ERN1: variants seen among roughly 807,000 people sequenced by gnomAD.
ERN1 encodes the protein endoplasmic reticulum to nucleus signaling 1.
ERN1 carries 39 observed loss-of-function variants against 113.1 expected under a neutral mutation model. The ratio of observed to expected loss-of-function variants is 0.34; its 90% CI spans 0.27 to 0.45. The LOEUF (loss-of-function observed/expected upper bound fraction) is 0.45, where lower values mean the gene tolerates loss of function less well. Ranked by LOEUF, ERN1 falls within the 20% of genes least tolerant of loss-of-function variation. ERN1 has a pLI of 1.00. For synonymous variants in ERN1, 507 were observed against 515.9 expected (o/e 0.98, Z 0.23); for missense variants, 976 against 1,274.8 (o/e 0.77, Z 3.57).
chr17:64,086,047 A>G (rs955361126), intron 2 of ERN1, among the ~76,000 whole-genome samples: 1 of 152,152 alleles, frequency 6.6e-6, no homozygotes, highest in African/African-American at 2.4e-5. Context: ...CTTCACACTC[A>G]TAGATTTTTC....
intron 17 of ERN1, among the ~76,000 whole-genome samples, chr17:64,050,565 T>C (rs368489747): frequency 3.3e-5 from 5 of 152,188 alleles, no homozygotes; most frequent in African/African-American, 1.2e-4. Flanking sequence ...CGTAAGGGAC[T>C]GGGTCATGAA....
At chr17:64,099,376 G>C (rs974132254) in intron 1 of ERN1, among the ~76,000 whole-genome samples, 1 of 151,790 alleles carries the variant, frequency 6.6e-6, no homozygotes, top group African/African-American at 2.4e-5. Flanking sequence ...ATGTACACAC[G>C]GACGCATATG....
chr17:64,077,594 G>A (rs749013464), intron 4 of ERN1, among the ~76,000 whole-genome samples: 3 of 152,070 alleles, frequency 2.0e-5, no homozygotes, highest in Admixed American at 6.5e-5. Context: ...GGCGTGTGTC[G>A]TCATAGACTG....
chr17:64,088,355 C>T (rs1291590768), intron 2 of ERN1, among the ~76,000 whole-genome samples: 2 of 152,136 alleles, frequency 1.3e-5, no homozygotes, highest in African/African-American at 2.4e-5. Context: ...AAGATATTAC[C>T]ACACAGTTAG....
intron 1 of ERN1, among the ~76,000 whole-genome samples, chr17:64,120,648 C>T (rs1914931284): frequency 6.6e-6 from 1 of 152,098 alleles, no homozygotes; most frequent in Non-Finnish European, 1.5e-5. Context: ...ATGAAATAAT[C>T]ACAAACTGTT....
At position 64,065,292 on chromosome 17, in the gene ERN1, G is replaced by C; in HGVS notation, c.843-5C>G. ...TTCCCAACATACAGAGTGGGCCTAG[G>C]AGAAAAACAGATACATGCATTCCAG... On this transcript the variant is annotated splice_polypyrimidine_tract_variant and splice_region_variant and intron_variant, in intron 8 of 21. Transcript: ENST00000433197. 1 of 1,588,018 alleles carries C rather than the reference G, an allele frequency of 6.3e-7. No individual in the cohort carries two copies. Among genetic ancestry groups the C allele is most frequent in the Non-Finnish European group, 8.6e-7 (1 of 1,164,568 alleles).
chr17:64,084,028 C>T (rs1913848198), intron 2 of ERN1, among the ~76,000 whole-genome samples: 1 of 152,130 alleles, frequency 6.6e-6, no homozygotes, highest in Admixed American at 6.6e-5. Flanking sequence ...ACTCAGAGAG[C>T]ACATGCCTCT....
intron 12 of ERN1, 38 bp from the exon 13 acceptor site, chr17:64,055,986 T>C: frequency 6.7e-7 from 1 of 1,501,034 alleles, no homozygotes; most frequent in Non-Finnish European, 8.9e-7. Flanking sequence ...AGGGCAGCTG[T>C]TCCCACAGGG....
Position 64,054,894 on chromosome 17 carries a change from A to G in ERN1, c.1673-66T>C, listed in dbSNP as rs1264136317. The G allele has an allele frequency of 4.1e-6, 5 of 1,217,960 alleles. No homozygotes were observed. Among genetic ancestry groups the G allele is most frequent in the Non-Finnish European group, 5.9e-6 (5 of 853,780 alleles). 75.4% of individuals were successfully genotyped at this position (1,217,960 alleles called of 1,614,324 possible). A position where few individuals can be genotyped will look rare whatever the true frequency, so the allele number is the denominator to read the frequency against. ...TCACCTAAAGAACCTTGAGGTTAAC[A>G]TAGTGACAAGCTTCCTGACCTCAGA... On this transcript the variant is annotated intron_variant, in intron 13 of 21. Transcript: ENST00000433197. The surrounding 1 kb of genome is among the most constrained non-coding windows in gnomAD (Gnocchi z 4.9).
chr17:64,089,387 C>CA (rs1914027012), intron 2 of ERN1, among the ~76,000 whole-genome samples: 1 of 147,628 alleles, frequency 6.8e-6, no homozygotes, highest in South Asian at 2.1e-4. Context: ...TCCGAAAATC[C>CA]AAAATCTGAA....
chr17:64,095,734 C>T (rs1266344328), intron 2 of ERN1, among the ~76,000 whole-genome samples: 1 of 152,170 alleles, frequency 6.6e-6, no homozygotes. Context: ...GTGCTCCATC[C>T]AGTAAGGCTC....
intron 12 of ERN1, among the ~76,000 whole-genome samples, chr17:64,056,804 G>A (rs565090920): frequency 6.6e-6 from 1 of 152,276 alleles, no homozygotes; most frequent in South Asian, 2.1e-4. Flanking sequence ...CTTCTTTTGT[G>A]GACAAGGGAT....
intron 1 of ERN1, chr17:64,098,443 C>T (rs1188030274): frequency 1.3e-6 from 1 of 749,788 alleles, no homozygotes; most frequent in South Asian, 1.4e-5. Flanking sequence ...ATCCTGCCTG[C>T]AGACAGGCAG....
At chr17:64,098,083 C>T in intron 2 of ERN1, 38 bp downstream of exon 2, 1 of 1,610,888 alleles carries the variant, frequency 6.2e-7, no homozygotes, top group East Asian at 2.2e-5. Flanking sequence ...ACCAGTTAAG[C>T]AAATGTCCAT....
At position 64,130,069 on chromosome 17, in the gene ERN1, G is replaced by C. The variant is rs1343359726; in HGVS notation, c.-40C>G. 7.4e-7 allele frequency: 1 copy of C among 1,360,232 alleles called. No individual in the cohort carries two copies. Among genetic ancestry groups the C allele is most frequent in the Non-Finnish European group, 9.4e-7 (1 of 1,062,704 alleles). 84.3% of individuals were successfully genotyped at this position (1,360,232 alleles called of 1,614,324 possible). A position where few individuals can be genotyped will look rare whatever the true frequency, so the allele number is the denominator to read the frequency against. On this transcript the variant is annotated 5_prime_UTR_variant, in exon 1 of 22. Coordinates refer to ENST00000433197, the MANE Select transcript of ERN1 (RefSeq NM_001433.5). This position sits in a 1 kb window ranked among gnomAD's most constrained non-coding sequence, Gnocchi z 4.0. ...CCTGGCTCCGGGGGCGGTACGGACA[G>C]AGGACGGGGCGGGGGCGCCGCGACG...
At chr17:64,112,842 T>C (rs1478962537) in intron 1 of ERN1, among the ~76,000 whole-genome samples, 1 of 152,172 alleles carries the variant, frequency 6.6e-6, no homozygotes. Context: ...TCTAGTCTAA[T>C]TGGAGTGGGC....
At chr17:64,050,520 A>G (rs1912650195) in intron 17 of ERN1, among the ~76,000 whole-genome samples, 1 of 152,214 alleles carries the variant, frequency 6.6e-6, no homozygotes, top group African/African-American at 2.4e-5. Flanking sequence ...AATGGTTACA[A>G]GAGCTGCTGC....
Position 64,066,853 on chromosome 17 carries a change from T to G in ERN1, c.660A>C (p.Gln220His). 1 of 1,613,916 alleles carries G rather than the reference T, an allele frequency of 6.2e-7. No homozygotes were observed. Among genetic ancestry groups the G allele is most frequent in the Non-Finnish European group, 8.5e-7 (1 of 1,179,866 alleles). Residue 220 changes from glutamine (Q) to histidine (H), a missense_variant, in exon 8 of 22, where the codon CAA (glutamine) becomes CAC (histidine). Around this residue, in one of 5 missense-constraint regions of ERN1, gnomAD observed 459 missense variants for 581.2 expected, o/e 0.79. Transcript: ENST00000433197. ...AGGCCACCACAGGGGAGGCGTAGTT[T>G]TGGATCCACAGGACGTCCCCAGATT... ...DSESGDVLWI[Q>H]NYASPVVAFY...
chr17:64,087,229 C>T (rs1055169824), intron 2 of ERN1, among the ~76,000 whole-genome samples: 1 of 152,178 alleles, frequency 6.6e-6, no homozygotes, highest in African/African-American at 2.4e-5. Flanking sequence ...GCCTTCTTAC[C>T]TTCCTCCACT....
Sources: gnomAD v4.1 joint callset for allele counts (sites outside exome capture counted in the v4.1 genomes callset) on GRCh38, gnomAD v4.1.1 for gene constraint, gnomAD v4.1.1 regional missense constraint, Gnocchi (gnomAD v3.1) non-coding constraint, MANE v1.5 for transcripts, NCBI Gene and HGNC (gene_info 2026-07-23, HGNC 2026-07-21) for gene names.